The following PARP4 variants were observed in gnomAD, a reference collection of about 807,000 sequenced individuals.
The protein encoded by PARP4 is poly(ADP-ribose) polymerase family member 4, also known as protein mono-ADP-ribosyltransferase PARP4.
PARP4 carries 120 observed loss-of-function variants against 187.7 expected under a neutral mutation model. That is an observed-to-expected ratio of 0.64 (90% CI 0.55 to 0.74). The LOEUF is 0.74. Ranked by LOEUF, PARP4 falls within the 30% of genes least tolerant of loss-of-function variation. The pLI, the probability that PARP4 is intolerant of heterozygous loss-of-function variation, is 0.00. For synonymous variants in PARP4, 654 were observed against 740.9 expected, an observed-to-expected ratio of 0.88 and a Z score of 1.90; for missense variants, 1,836 against 2,070.5, an observed-to-expected ratio of 0.89 and a Z score of 2.20.
chr13:24,435,537 A>C (rs1870591498), intron 30 of PARP4, 63 bp from the exon 31 acceptor site: 2 of 1,492,296 alleles, frequency 1.3e-6, no homozygotes, highest in Non-Finnish European at 1.8e-6. Flanking sequence ...ACAATCAAGC[A>C]AACATTCTTC....
intron 14 of PARP4, among the ~76,000 whole-genome samples, chr13:24,476,842 G>A (rs1416079025): frequency 6.6e-6 from 1 of 152,164 alleles, no homozygotes; most frequent in Admixed American, 6.5e-5. Context: ...CACCACACAT[G>A]GCAATTTACT....
intron 32 of PARP4, among the ~76,000 whole-genome samples, chr13:24,428,018 A>G (rs1384881114): frequency 2.0e-5 from 3 of 152,212 alleles, no homozygotes; most frequent in African/African-American, 7.2e-5. Flanking sequence ...GGGGATGATA[A>G]AAGAGAAATG....
At chr13:24,480,767 G>A (rs1026941552) in intron 12 of PARP4, among the ~76,000 whole-genome samples, 5 of 152,242 alleles carry the variant, frequency 3.3e-5, no homozygotes, top group Non-Finnish European at 7.3e-5. Context: ...GAAGCTAGCA[G>A]AGGTTGGCTG....
chr13:24,458,020 A>G (rs1173973732), intron 20 of PARP4, among the ~76,000 whole-genome samples: 1 of 152,074 alleles, frequency 6.6e-6, no homozygotes, highest in Non-Finnish European at 1.5e-5. Context: ...CTGTCATTCT[A>G]GCACTTCGGG....
intron 1 of PARP4, 149 bp from the exon 2 acceptor site, chr13:24,503,926 A>AAT (rs2137547832): frequency 1.5e-6 from 1 of 668,750 alleles, no homozygotes; most frequent in South Asian, 1.9e-5. Context: ...GCAAAAATTG[A>AAT]ATAATATCCT....
intron 20 of PARP4, among the ~76,000 whole-genome samples, 158 bp downstream of exon 20, chr13:24,458,886 C>G (rs61112930): frequency 0.013 from 2,012 of 152,302 alleles, 45 homozygotes; most frequent in African/African-American, 0.045. Flanking sequence ...TTCACTGTCT[C>G]TGGAAACTGG....
intron 22 of PARP4, among the ~76,000 whole-genome samples, chr13:24,454,260 G>GC (rs899196183): frequency 6.6e-6 from 1 of 152,232 alleles, no homozygotes; most frequent in African/African-American, 2.4e-5. Context: ...GAGCAGCTTG[G>GC]CCCCTGGAAG....
intron 2 of PARP4, 64 bp downstream of exon 2, chr13:24,503,581 C>G (rs1869430800): frequency 6.4e-7 from 1 of 1,571,584 alleles, no homozygotes; most frequent in Non-Finnish European, 8.7e-7. Context: ...CTCTTCTAAC[C>G]ATGACCCTGT....
chr13:24,457,920 T>C (rs555398352), intron 20 of PARP4, among the ~76,000 whole-genome samples: 2 of 152,074 alleles, frequency 1.3e-5, no homozygotes, highest in African/African-American at 4.8e-5. Context: ...CATACTGTTA[T>C]GAAATTTCAG....
In PARP4 at chr13:24,443,878, G is replaced by A; in HGVS notation, c.3367-148C>T. Reference sequence around the variant, plus strand: ...CACAGTTTGATGAGTCTTAAGGGATGTATACAGTTGTGTGACCACTGTTGA... The same window carrying A: ...CACAGTTTGATGAGTCTTAAGGGATATATACAGTTGTGTGACCACTGTTGA... On this transcript the variant is annotated intron_variant, in intron 27 of 33. Transcript: ENST00000381989. 4 of 593,954 alleles carry A rather than the reference G, an allele frequency of 6.7e-6. No homozygotes were observed. The East Asian group carries it at 8.3e-5, about 12-fold the overall frequency. The allele number at this position is 593,954 out of a possible 1,614,324, so 36.8% of individuals were successfully genotyped here. A position where few individuals can be genotyped will look rare whatever the true frequency, so the allele number is the denominator to read the frequency against.
In PARP4 at chr13:24,455,482, T is replaced by A. The variant is rs546185938; in HGVS notation, c.2563-270A>T. On this transcript the variant is annotated intron_variant, in intron 21 of 33. Coordinates refer to ENST00000381989, the MANE Select transcript of PARP4 (RefSeq NM_006437.4). ...TATAGCATCAACATTATGGAACAAATATATATATATATATATATATATATC... is the reference window on the plus strand; with the variant it reads ...TATAGCATCAACATTATGGAACAAAAATATATATATATATATATATATATC... 3.4e-3 allele frequency among the ~76,000 whole-genome samples: 440 copies of A among 127,872 alleles called. 4 individuals carry two copies. The highest frequency in any genetic ancestry group is 5.6e-3 in the Non-Finnish European group (338 of 60,330). The allele number at this position is 127,872 out of a possible 152,430, so 83.9% of individuals were successfully genotyped here.
rs1238494585 is a variant in PARP4 at position 24,457,100 on chromosome 13, G to A, written c.2425-622C>T. ...TTAGACTTATCTGGGTATAGCAGAC[G>A]GCACATCAGATAATTAAAACCGAGA... On this transcript the variant is annotated intron_variant, in intron 20 of 33. Transcript: ENST00000381989. Among the ~76,000 whole-genome samples the A allele has an allele frequency of 3.3e-5, 5 of 151,818 alleles. 1 individual carries two copies. The highest frequency in any genetic ancestry group is 4.2e-4 in the South Asian group (2 of 4,812).
At chr13:24,504,026 A>G (rs1381896639) in intron 1 of PARP4, among the ~76,000 whole-genome samples, 1 of 152,198 alleles carries the variant, frequency 6.6e-6, no homozygotes, top group African/African-American at 2.4e-5. Flanking sequence ...CAGGCTCATG[A>G]TATACATCTT....
chr13:24,425,569 G>GTGTGTGTGTGTATATC (rs1491353761), intron 33 of PARP4, among the ~76,000 whole-genome samples: 3 of 136,732 alleles, frequency 2.2e-5, no homozygotes, highest in African/African-American at 8.5e-5. Context: ...GTGTGTGTGT[G>GTGTGTGTGTGTATATC]TATATCTATA....
At chr13:24,498,061 A>C in intron 6 of PARP4, 55 bp downstream of exon 6, 1 of 1,247,314 alleles carries the variant, frequency 8.0e-7, no homozygotes, top group Non-Finnish European at 1.2e-6. Context: ...ATTCATTGAA[A>C]TGAGTTATGA....
chr13:24,431,527 A>G (rs1193657931), intron 31 of PARP4, 51 bp from the exon 32 acceptor site: 17 of 1,193,456 alleles, frequency 1.4e-5, no homozygotes, highest in Non-Finnish European at 1.8e-5. Context: ...ATTTTATCAC[A>G]TAAGAAGTTA....
chr13:24,466,794 C>T (rs1201391320), intron 17 of PARP4, among the ~76,000 whole-genome samples: 7 of 63,100 alleles, frequency 1.1e-4, no homozygotes, highest in Non-Finnish European at 3.1e-5. Context: ...GAGACTCTGT[C>T]TCAAAAAAAA....
At position 24,470,034 on chromosome 13, in the gene PARP4, G is replaced by GA. The variant is rs150765076; in HGVS notation, c.1915-10dup. The GA allele has an allele frequency of 5.6e-6, 9 of 1,600,168 alleles. No individual in the cohort carries two copies. Among genetic ancestry groups the GA allele is most frequent in the African/African-American group, 1.4e-5 (1 of 73,802 alleles). ...GTCTGAAAAACAATGACCTGAAGAA[G>GA]AAAAAAAATCCATACAATTGATGAG... On this transcript the variant is annotated splice_polypyrimidine_tract_variant and intron_variant, in intron 15 of 33. Coordinates refer to ENST00000381989, the MANE Select transcript of PARP4 (RefSeq NM_006437.4).
At chr13:24,509,803 T>C (rs1210133902) in intron 1 of PARP4, among the ~76,000 whole-genome samples, 1 of 151,954 alleles carries the variant, frequency 6.6e-6, no homozygotes, top group East Asian at 2.0e-4. Flanking sequence ...CAGGTTCAAG[T>C]AATTCTCGTG....
Sources: allele counts gnomAD v4.1 joint callset (sites outside exome capture counted in the v4.1 genomes callset), GRCh38; gene constraint gnomAD v4.1.1; transcripts MANE v1.5; gene names NCBI Gene and HGNC (gene_info 2026-07-23, HGNC 2026-07-21).